ERBB4: variants seen among roughly 807,000 people sequenced by gnomAD.
The protein encoded by ERBB4 is erb-b2 receptor tyrosine kinase 4, also known as receptor tyrosine-protein kinase erbB-4.
A neutral mutation model predicts 158.0 loss-of-function variants in ERBB4; 42 were observed. The observed-to-expected ratio is 0.27, with a 90% CI of 0.21 to 0.34. The LOEUF (loss-of-function observed/expected upper bound fraction) is 0.34. Among genes scored for constraint, ERBB4 ranks in the 10% least tolerant of loss-of-function variants. The pLI, the probability that ERBB4 is intolerant of heterozygous loss-of-function variation, is 1.00. For missense variants in ERBB4, 1,333 were observed against 1,624.1 expected, an observed-to-expected ratio of 0.82 and a Z score of 3.08; for synonymous variants, 583 against 558.7, an observed-to-expected ratio of 1.04 and a Z score of -0.61.
At chr2:211,662,303 A>G (rs1331369972) in intron 15 of ERBB4, among the ~76,000 whole-genome samples, 2 of 152,050 alleles carry the variant, frequency 1.3e-5, no homozygotes, top group African/African-American at 4.8e-5. Context: ...CCCTCCCCAC[A>G]ATTTAATTAC....
intron 15 of ERBB4, among the ~76,000 whole-genome samples, chr2:211,659,520 T>A (rs959755723): frequency 1.3e-5 from 2 of 152,172 alleles, no homozygotes; most frequent in Non-Finnish European, 2.9e-5. Flanking sequence ...AAATTATTTT[T>A]ATGCCATATT....
At chr2:212,056,985 A>T (rs1394859515) in intron 2 of ERBB4, among the ~76,000 whole-genome samples, 3 of 152,228 alleles carry the variant, frequency 2.0e-5, no homozygotes, top group Non-Finnish European at 4.4e-5. Flanking sequence ...CAGACTGGCA[A>T]ATTGGATAAA....
intron 19 of ERBB4, among the ~76,000 whole-genome samples, chr2:211,580,491 AAAT>A (rs2068035352): frequency 6.6e-6 from 1 of 151,968 alleles, no homozygotes; most frequent in African/African-American, 2.4e-5. Context: ...AAAAATCAAA[AAAT>A]AATAATAGAT....
chr2:211,521,876 G>A (rs4592785), intron 20 of ERBB4, among the ~76,000 whole-genome samples: 5,318 of 152,126 alleles, frequency 0.035, 301 homozygotes, highest in African/African-American at 0.12. Context: ...CATGGTTTGC[G>A]AAATAGTTTA....
chr2:211,828,583 T>C (rs923340979), intron 3 of ERBB4, among the ~76,000 whole-genome samples: 5 of 152,154 alleles, frequency 3.3e-5, no homozygotes, highest in African/African-American at 9.7e-5. Context: ...TTTTTGTCAC[T>C]GTTGCTACTG....
chr2:211,510,608 G>C (rs1047229195), intron 20 of ERBB4, among the ~76,000 whole-genome samples: 1 of 151,928 alleles, frequency 6.6e-6, no homozygotes, highest in African/African-American at 2.4e-5. Context: ...AGAATTCATG[G>C]ATCTTTTCAG....
chr2:212,134,367 A>T lies in ERBB4; in HGVS notation c.83-9464T>A, dbSNP rs188276874. Among the ~76,000 whole-genome samples, 1,053 of 152,190 alleles carry T rather than the reference A, an allele frequency of 6.9e-3. 7 individuals carry two copies. The highest frequency in any genetic ancestry group is 0.024 in the Middle Eastern group (7 of 292). ...CTTTTAATATAAAAAATTTGTATCA[A>T]TGTTTTAAAATATCTTTATCAGATG... On this transcript the variant is annotated intron_variant, in intron 1 of 27. Coordinates refer to ENST00000342788, the MANE Select transcript of ERBB4 (RefSeq NM_005235.3).
At chr2:212,437,550 T>C (rs1486182683) in intron 1 of ERBB4, among the ~76,000 whole-genome samples, 1 of 151,598 alleles carries the variant, frequency 6.6e-6, no homozygotes, top group East Asian at 1.9e-4. Context: ...AACTCATTTA[T>C]CTGGCCCTGT....
intron 2 of ERBB4, among the ~76,000 whole-genome samples, chr2:212,037,155 GTTTT>G (rs988940915): frequency 1.3e-5 from 2 of 151,894 alleles, no homozygotes; most frequent in African/African-American, 4.8e-5. Flanking sequence ...TGTTTGTTTT[GTTTT>G]TTTGTTTTTG....
chr2:211,858,710 G>A (rs1172527334), intron 3 of ERBB4, among the ~76,000 whole-genome samples: 1 of 152,150 alleles, frequency 6.6e-6, no homozygotes, highest in African/African-American at 2.4e-5. Context: ...CTGTAACATA[G>A]AAATATACTT....
At chr2:211,491,252 C>T (rs1344217374) in intron 20 of ERBB4, among the ~76,000 whole-genome samples, 7 of 151,996 alleles carry the variant, frequency 4.6e-5, no homozygotes, top group African/African-American at 1.7e-4. Flanking sequence ...TGTACGAAGT[C>T]TCAAAGGGCA....
chr2:211,377,979 C>T lies in ERBB4; in HGVS notation c.*5636G>A, dbSNP rs1237321025. ...TAGAATCTCTTATGAAAAAATCAGG[C>T]ATTCGAGGGCAAAGATGAAGTCAGT... On this transcript the variant is annotated 3_prime_UTR_variant, in exon 28 of 28. Coordinates refer to ENST00000342788, the MANE Select transcript of ERBB4 (RefSeq NM_005235.3). 1 of 232,942 alleles carries T rather than the reference C, an allele frequency of 4.3e-6. No homozygotes were observed. The highest frequency in any genetic ancestry group is 1.3e-3 in the Middle Eastern group (1 of 782). 14.4% of individuals were successfully genotyped at this position (232,942 alleles called of 1,614,324 possible).
intron 3 of ERBB4, among the ~76,000 whole-genome samples, chr2:211,860,965 TAA>T (rs1269633515): frequency 1.0e-5 from 1 of 99,610 alleles, no homozygotes; most frequent in African/African-American, 3.9e-5. Flanking sequence ...TATAAATATA[TAA>T]ATATATTTAA....
chr2:212,315,593 T>C (rs538415924), intron 1 of ERBB4, among the ~76,000 whole-genome samples: 2 of 151,604 alleles, frequency 1.3e-5, no homozygotes, highest in Admixed American at 1.3e-4. Flanking sequence ...CTATTACAGT[T>C]ATAGTTTCTT....
chr2:212,528,563 C>T (rs975735359), intron 1 of ERBB4, among the ~76,000 whole-genome samples: 1 of 152,150 alleles, frequency 6.6e-6, no homozygotes, highest in Non-Finnish European at 1.5e-5. Context: ...TCCCAATTTT[C>T]TCATTAATAG....
chr2:211,740,151 C>A (rs1414729713), intron 5 of ERBB4, among the ~76,000 whole-genome samples: 1 of 152,062 alleles, frequency 6.6e-6, no homozygotes, highest in Non-Finnish European at 1.5e-5. Context: ...GAAATCAGAA[C>A]AAAACTTGTA....
chr2:211,443,981 T>G (rs1055258944), intron 20 of ERBB4, among the ~76,000 whole-genome samples: 2 of 152,074 alleles, frequency 1.3e-5, no homozygotes, highest in African/African-American at 4.8e-5. Flanking sequence ...ATTTTAAGTA[T>G]AAAACACACT....
intron 1 of ERBB4, among the ~76,000 whole-genome samples, chr2:212,385,558 C>A (rs1457513565): frequency 6.6e-6 from 1 of 151,792 alleles, no homozygotes; most frequent in Admixed American, 6.6e-5. Context: ...AGTTTATTTT[C>A]AAAATCAAGT....
chr2:211,943,703 G>A (rs1244362316), intron 3 of ERBB4, among the ~76,000 whole-genome samples: 2 of 152,060 alleles, frequency 1.3e-5, no homozygotes, highest in Non-Finnish European at 2.9e-5. Flanking sequence ...AATGAGAAAT[G>A]TGAGAAGCAG....
Sources: gnomAD v4.1 joint callset for allele counts (sites outside exome capture counted in the v4.1 genomes callset) on GRCh38, gnomAD v4.1.1 for gene constraint, MANE v1.5 for transcripts, NCBI Gene and HGNC (gene_info 2026-07-23, HGNC 2026-07-21) for gene names.